The following PTPRS variants were observed in gnomAD, a reference collection of about 807,000 sequenced individuals.
PTPRS encodes the protein protein tyrosine phosphatase receptor type S.
In PTPRS, 63 loss-of-function variants were observed where a neutral mutation model predicts 215.3. The observed-to-expected ratio is 0.29, with a 90% CI of 0.24 to 0.36. The LOEUF (loss-of-function observed/expected upper bound fraction) is 0.36, where lower values mean the gene tolerates loss of function less well. Among genes scored for constraint, PTPRS ranks in the 10% least tolerant of loss-of-function variants. The probability of loss-of-function intolerance (pLI) is 1.00; values close to 1 mark genes in which losing one functional copy is unlikely to be tolerated. For synonymous variants in PTPRS, 1,404 were observed against 1,191.4 expected (o/e 1.18, Z -3.68); for missense variants, 2,258 against 2,825.8 (o/e 0.80, Z 4.56).
Position 5,244,100 on chromosome 19 carries a change from G to T in PTPRS, c.1371C>A (p.Ile457=), listed in dbSNP as rs754210830. ...WEEPVEPNGL[I]RGYRVYYTME... ...TGGTGTAGTAGACGCGGTAGCCGCG[G>T]ATCAGGCCGTTGGGCTCCACCGGCT... is the stretch of plus-strand genomic sequence containing the variant. The change falls in exon 11 of 38, where the codon ATC becomes ATA. Residue 457 remains isoleucine, a synonymous_variant. Transcript: ENST00000262963. The surrounding 1 kb of genome is among the most constrained non-coding windows in gnomAD (Gnocchi z 7.2). 1 of 1,609,382 alleles carries T rather than the reference G, an allele frequency of 6.2e-7. No homozygotes were observed. The highest frequency in any genetic ancestry group is 8.5e-7 in the Non-Finnish European group (1 of 1,179,226).
intron 9 of PTPRS, chr19:5,250,944 CGGCG>C (rs2044974984): frequency 6.5e-4 from 1 of 1,544 alleles, no homozygotes; most frequent in Non-Finnish European, 1.6e-3. Context: ...GGTGCGGGGG[CGGCG>C]GGGGGGGGGG....
rs747508744 is a variant in PTPRS at position 5,245,917 on chromosome 19, C to T, written c.847G>A (p.Glu283Lys). ...ATGTCATCCTCGGGGGTCAGGTCCT[C>T]GGCCCCCTGCATCCACTTCACGTAT... ...MPYVKWMQGA[E>K]DLTPEDDMPV... The change falls in exon 10 of 38, where the codon GAG (glutamate) becomes AAG (lysine). Residue 283 changes from glutamate (E) to lysine (K), a missense_variant. Physicochemically the swap from Glu to Lys is moderately conservative, Grantham distance 56. Transcript: ENST00000262963. The T allele has an allele frequency of 6.8e-6, 11 of 1,613,656 alleles. No homozygotes were observed. Among genetic ancestry groups the T allele is most frequent in the Admixed American group, 3.3e-5 (2 of 59,966 alleles).
intron 2 of PTPRS, among the ~76,000 whole-genome samples, chr19:5,284,649 A>T (rs780834126): frequency 6.6e-6 from 1 of 152,112 alleles, no homozygotes; most frequent in South Asian, 2.1e-4. Flanking sequence ...CATTTACTAA[A>T]AAACAGCATG....
At position 5,257,355 on chromosome 19, in the gene PTPRS, C is replaced by T. The variant is rs542400479; in HGVS notation, c.706+662G>A. 15 of 449,880 alleles carry T rather than the reference C, an allele frequency of 3.3e-5. No homozygotes were observed. The highest frequency in any genetic ancestry group is 1.1e-4 in the South Asian group (7 of 63,932). 27.9% of individuals were successfully genotyped at this position (449,880 alleles called of 1,614,324 possible). ...GCTGGGTGCCGTGCCTGCCCCAGCT[C>T]GGTGCAACTACCGAGCCCCCCGGGT... On this transcript the variant is annotated intron_variant, in intron 8 of 37. Transcript: ENST00000262963. This position sits in a 1 kb window ranked among gnomAD's most constrained non-coding sequence, Gnocchi z 4.4.
At chr19:5,265,804 G>T (rs1023802457) in intron 4 of PTPRS, among the ~76,000 whole-genome samples, 8 of 151,766 alleles carry the variant, frequency 5.3e-5, no homozygotes, top group African/African-American at 1.9e-4. Context: ...GGGGGTGGGT[G>T]CTCCTGGAAT....
intron 1 of PTPRS, among the ~76,000 whole-genome samples, chr19:5,315,858 T>C (rs879847296): frequency 1.4e-5 from 2 of 139,672 alleles, no homozygotes; most frequent in Admixed American, 7.1e-5. Flanking sequence ...CTGGAACTCC[T>C]GGCCCCAAGC....
rs184902860 is a variant in PTPRS at position 5,233,597 on chromosome 19, T to C, written c.1850-1982A>G. Among the ~76,000 whole-genome samples, 390 of 151,432 alleles carry C rather than the reference T, an allele frequency of 2.6e-3. 2 individuals carry two copies. The highest frequency in any genetic ancestry group is 3.3e-3 in the Non-Finnish European group (224 of 67,898). ...GGAACAGCAATAGAAGCTCCACTTATCAGGTACCTACTGTGTGTCAAGCAT... is the reference window on the plus strand; with the variant it reads ...GGAACAGCAATAGAAGCTCCACTTACCAGGTACCTACTGTGTGTCAAGCAT... On this transcript the variant is annotated intron_variant, in intron 13 of 37. Coordinates refer to ENST00000262963, the MANE Select transcript of PTPRS (RefSeq NM_002850.4).
At chr19:5,216,115 A>C (rs1599401872) in intron 26 of PTPRS, among the ~76,000 whole-genome samples, 1 of 152,080 alleles carries the variant, frequency 6.6e-6, no homozygotes, top group East Asian at 1.9e-4. Flanking sequence ...TAGGGAGGGG[A>C]AACAGTATGT....
chr19:5,323,910 G>A (rs1221612970), intron 1 of PTPRS, among the ~76,000 whole-genome samples: 1 of 152,164 alleles, frequency 6.6e-6, no homozygotes, highest in African/African-American at 2.4e-5. Context: ...AGCTGGACCA[G>A]GTGGAGGCAG....
chr19:5,318,272 C>T (rs543986090), intron 1 of PTPRS, among the ~76,000 whole-genome samples: 5 of 150,050 alleles, frequency 3.3e-5, no homozygotes, highest in African/African-American at 4.9e-5. Context: ...ACCCAGGAGG[C>T]GGAGGTTGCA....
chr19:5,213,904 GCC>G (rs1348631371), intron 30 of PTPRS, among the ~76,000 whole-genome samples: 72 of 152,252 alleles, frequency 4.7e-4, no homozygotes, highest in Non-Finnish European at 1.5e-4. Context: ...ATGGACAGCA[GCC>G]ATCAGTTAAA....
intron 26 of PTPRS, 122 bp from the exon 27 acceptor site, chr19:5,215,717 CG>C (rs1393852443): frequency 3.2e-5 from 22 of 691,896 alleles, no homozygotes; most frequent in Admixed American, 8.2e-5. Flanking sequence ...AGGGCATGGC[CG>C]GGGTGGGGCT....
At position 5,210,924 on chromosome 19, in the gene PTPRS, C is replaced by G. The variant is rs2040817913; in HGVS notation, c.5235-119G>C. The G allele has an allele frequency of 7.3e-7, 1 of 1,370,112 alleles. No homozygotes were observed. Among genetic ancestry groups the G allele is most frequent in the African/African-American group, 1.4e-5 (1 of 69,062 alleles). The allele number at this position is 1,370,112 out of a possible 1,614,324, so 84.9% of individuals were successfully genotyped here. A position where few individuals can be genotyped will look rare whatever the true frequency, so the allele number is the denominator to read the frequency against. On this transcript the variant is annotated intron_variant, in intron 33 of 37. Coordinates refer to ENST00000262963, the MANE Select transcript of PTPRS (RefSeq NM_002850.4). The surrounding 1 kb of genome is among the most constrained non-coding windows in gnomAD (Gnocchi z 4.5). The stretch of plus-strand genomic sequence containing the variant: ...GACAGCTACACCTACCACCCCACTG[C>G]CTGCCAGGAATGGCTGCTGGGTGCA...
chr19:5,283,901 C>A (rs2048094933), intron 2 of PTPRS, among the ~76,000 whole-genome samples: 1 of 151,766 alleles, frequency 6.6e-6, no homozygotes, highest in Admixed American at 6.6e-5. Context: ...AGTAAAAACT[C>A]CATCTCTGTA....
At chr19:5,282,064 G>C (rs2047900147) in intron 2 of PTPRS, among the ~76,000 whole-genome samples, 1 of 151,964 alleles carries the variant, frequency 6.6e-6, no homozygotes, top group Admixed American at 6.6e-5. Flanking sequence ...TGAGATACCT[G>C]CTTATGTGGC....
rs201493701 is a variant in PTPRS at position 5,216,736 on chromosome 19, C to A, written c.4080G>T (p.Pro1360=). ...AGAACTAACTTTCAAAGTGAAACCC[C>A]GGCTCCCTGAGGGGGCTCCTGAGGC... ...DSGLRSPLRE[P]GFHFESMLSH... Residue 1360 remains proline, a synonymous_variant, in exon 26 of 38, where the codon CCG becomes CCT. Coordinates refer to ENST00000262963, the MANE Select transcript of PTPRS (RefSeq NM_002850.4). The A allele has an allele frequency of 1.3e-6, 2 of 1,577,558 alleles. No individual in the cohort carries two copies. The highest frequency in any genetic ancestry group is 4.7e-5 in the East Asian group (2 of 42,896).
At chr19:5,337,149 G>A (rs1490599582) in intron 1 of PTPRS, among the ~76,000 whole-genome samples, 4 of 152,320 alleles carry the variant, frequency 2.6e-5, no homozygotes, top group African/African-American at 7.2e-5. Context: ...AGCTTAATGG[G>A]TAGCAGGGGG....
chr19:5,291,142 T>TCCC, intron 1 of PTPRS, among the ~76,000 whole-genome samples: 1 of 152,142 alleles, frequency 6.6e-6, no homozygotes, highest in South Asian at 2.1e-4. Flanking sequence ...ACGTGAAGGC[T>TCCC]CAGGGCACTG....
chr19:5,214,290 A>T (rs1329352318), intron 30 of PTPRS, 71 bp downstream of exon 30: 1 of 1,604,334 alleles, frequency 6.2e-7, no homozygotes, highest in African/African-American at 1.3e-5. Flanking sequence ...CCTGGGTAGA[A>T]GCTGGGGCCC....
Sources: gnomAD v4.1 joint callset for allele counts (sites outside exome capture counted in the v4.1 genomes callset) on GRCh38, gnomAD v4.1.1 for gene constraint, Gnocchi (gnomAD v3.1) non-coding constraint, MANE v1.5 for transcripts, NCBI Gene and HGNC (gene_info 2026-07-23, HGNC 2026-07-21) for gene names.